FER1L6: variants seen among roughly 807,000 people sequenced by gnomAD.
The protein encoded by FER1L6 is fer-1-like protein 6.
In FER1L6, 177 loss-of-function variants were observed where a neutral mutation model predicts 219.2. That is an observed-to-expected ratio of 0.81 (90% CI 0.71 to 0.91). The LOEUF (loss-of-function observed/expected upper bound fraction) is 0.91. Among genes scored for constraint, FER1L6 ranks in the 40% least tolerant of loss-of-function variants. The probability of loss-of-function intolerance (pLI) is 0.00; values close to 1 mark genes in which losing one functional copy is unlikely to be tolerated. For missense variants in FER1L6, 2,153 were observed against 2,259.9 expected, an observed-to-expected ratio of 0.95 and a Z score of 0.96; for synonymous variants, 768 against 824.3, an observed-to-expected ratio of 0.93 and a Z score of 1.17.
At position 123,932,451 on chromosome 8, in the gene FER1L6, AC is replaced by A. The variant is rs776524663; in HGVS notation, c.-7-23540del. 1.6e-4 allele frequency among the ~76,000 whole-genome samples: 24 copies of A among 152,224 alleles called. No individual in the cohort carries two copies. In the South Asian group the frequency reaches 2.1e-3, roughly 13 times the overall value. On this transcript the variant is annotated intron_variant, in intron 1 of 40. Transcript: ENST00000522917. The stretch of plus-strand genomic sequence containing the variant: ...GTTACTTTCTTTTAAGGCATGTGTT[AC>A]TCATTTTCTGTTTAAAATAGAACAT...
At chr8:124,044,350 C>T (rs949706060) in intron 20 of FER1L6, among the ~76,000 whole-genome samples, 1 of 151,902 alleles carries the variant, frequency 6.6e-6, no homozygotes, top group African/African-American at 2.4e-5. Context: ...GTGTCTCAGA[C>T]ATAAAGTACC....
rs763431920 is a variant in FER1L6 at position 124,060,208 on chromosome 8, C to T, written c.2903C>T (p.Pro968Leu). Reference protein sequence around the residue: ...QVPPSGLQGLPPVEPPDITQI... With the variant: ...QVPPSGLQGLLPVEPPDITQI... ...CCTCCTTCTGGGCTGCAAGGCCTCCCACCCGTTGAGCCACCAGACATCACC... is the reference window on the plus strand; with the variant it reads ...CCTCCTTCTGGGCTGCAAGGCCTCCTACCCGTTGAGCCACCAGACATCACC... The change falls in exon 23 of 41, where the codon CCA becomes CTA. Residue 968 changes from proline to leucine, a missense_variant. Pro to Leu is a moderately conservative substitution (Grantham distance 98). Transcript: ENST00000522917. 36 of 1,614,004 alleles carry T rather than the reference C, an allele frequency of 2.2e-5. No individual in the cohort carries two copies. Among genetic ancestry groups the T allele is most frequent in the Non-Finnish European group, 2.8e-5 (33 of 1,180,020 alleles).
chr8:123,888,212 G>A (rs961043336), intron 1 of FER1L6, among the ~76,000 whole-genome samples: 4 of 151,992 alleles, frequency 2.6e-5, no homozygotes, highest in Non-Finnish European at 4.4e-5. Flanking sequence ...CACCTCCTGG[G>A]TTCAAGAAAT....
chr8:123,905,149 C>T (rs911894679), intron 1 of FER1L6, among the ~76,000 whole-genome samples: 21 of 152,102 alleles, frequency 1.4e-4, no homozygotes, highest in Non-Finnish European at 2.5e-4. Flanking sequence ...CACAGGTAAA[C>T]ATGTACCAAG....
intron 34 of FER1L6, among the ~76,000 whole-genome samples, chr8:124,092,098 C>T (rs960723588): frequency 1.3e-5 from 2 of 152,110 alleles, no homozygotes; most frequent in Non-Finnish European, 2.9e-5. Context: ...TATTTTCTTG[C>T]ACTTGTCTGT....
At chr8:123,921,476 C>T (rs1340095152) in intron 1 of FER1L6, among the ~76,000 whole-genome samples, 2 of 152,054 alleles carry the variant, frequency 1.3e-5, no homozygotes, top group East Asian at 1.9e-4. Flanking sequence ...GTGATCTTCC[C>T]GCCTCAGCTT....
At chr8:123,977,684 G>T (rs1254633031) in intron 10 of FER1L6, 75 bp downstream of exon 10, 3 of 1,384,750 alleles carry the variant, frequency 2.2e-6, no homozygotes, top group Non-Finnish European at 3.0e-6. Context: ...AAAAGGGGTG[G>T]GCTAGAGCAG....
intron 38 of FER1L6, among the ~76,000 whole-genome samples, chr8:124,102,814 C>T (rs1397863521): frequency 1.3e-5 from 2 of 152,130 alleles, no homozygotes; most frequent in Admixed American, 6.6e-5. Flanking sequence ...AAGGCTGAAG[C>T]CAATAATCCA....
At chr8:124,058,769 C>T (rs1054749700) in intron 22 of FER1L6, 2 of 152,138 alleles carry the variant, frequency 1.3e-5, no homozygotes, top group African/African-American at 4.8e-5. Context: ...AGGTGATGCT[C>T]GCAGGCTAAA....
Position 123,952,145 on chromosome 8 carries a change from C to T in FER1L6, c.-7-3847C>T, listed in dbSNP as rs145138771. On this transcript the variant is annotated intron_variant, in intron 1 of 40. Coordinates refer to ENST00000522917, the MANE Select transcript of FER1L6 (RefSeq NM_001039112.2). ...TCAATAAGGTCATCTATGTAACATC[C>T]CAGTGAGAAAAAGCAGAACTAACCT... Among the ~76,000 whole-genome samples, 58 of 151,328 alleles carry T rather than the reference C, an allele frequency of 3.8e-4. No homozygotes were observed. The East Asian group carries it at 0.01, about 27-fold the overall frequency.
chr8:123,904,482 G>A (rs926936201), intron 1 of FER1L6, among the ~76,000 whole-genome samples: 1 of 152,124 alleles, frequency 6.6e-6, no homozygotes, highest in Non-Finnish European at 1.5e-5. Context: ...GCCATATTCA[G>A]CAGAGATATG....
intron 1 of FER1L6, among the ~76,000 whole-genome samples, chr8:123,909,886 G>A (rs1197451056): frequency 6.6e-6 from 1 of 152,170 alleles, no homozygotes; most frequent in Non-Finnish European, 1.5e-5. Context: ...TATTTTGATT[G>A]TTGTTATCAT....
At chr8:124,081,056 G>T (rs1368919018) in intron 32 of FER1L6, among the ~76,000 whole-genome samples, 1 of 152,064 alleles carries the variant, frequency 6.6e-6, no homozygotes, top group East Asian at 1.9e-4. Flanking sequence ...TCACTGGGGA[G>T]TAAGTGTCAG....
chr8:124,093,531 T>C (rs1822141580), intron 34 of FER1L6, among the ~76,000 whole-genome samples: 1 of 152,102 alleles, frequency 6.6e-6, no homozygotes, highest in Non-Finnish European at 1.5e-5. Context: ...ATGCAGATTA[T>C]TGATATTTAG....
chr8:123,919,894 A>T (rs1813308114), intron 1 of FER1L6, among the ~76,000 whole-genome samples: 1 of 152,186 alleles, frequency 6.6e-6, no homozygotes, highest in Non-Finnish European at 1.5e-5. Flanking sequence ...TGGGCCAGCA[A>T]GGGGGAGCAG....
chr8:123,858,133 T>G (rs1016009354), intron 1 of FER1L6, among the ~76,000 whole-genome samples: 2 of 152,178 alleles, frequency 1.3e-5, no homozygotes, highest in African/African-American at 4.8e-5. Flanking sequence ...CTCTGATGGG[T>G]TCTCCTACTT....
chr8:124,077,977 T>G (rs1344989142), intron 32 of FER1L6, among the ~76,000 whole-genome samples: 1 of 152,176 alleles, frequency 6.6e-6, no homozygotes, highest in African/African-American at 2.4e-5. Context: ...CCTGGTGCCC[T>G]GGTATCTTGC....
intron 1 of FER1L6, among the ~76,000 whole-genome samples, chr8:123,909,064 T>C (rs921184898): frequency 6.6e-6 from 1 of 152,142 alleles, no homozygotes; most frequent in Non-Finnish European, 1.5e-5. Flanking sequence ...GTTAACATGA[T>C]CCACTAATTT....
intron 1 of FER1L6, among the ~76,000 whole-genome samples, chr8:123,860,163 A>C (rs1182067979): frequency 1.3e-5 from 1 of 76,400 alleles, no homozygotes; most frequent in African/African-American, 6.1e-5. Flanking sequence ...CCAGAGTGTG[A>C]TATTCCCCTT....
Sources: allele counts gnomAD v4.1 joint callset (sites outside exome capture counted in the v4.1 genomes callset), GRCh38; gene constraint gnomAD v4.1.1; transcripts MANE v1.5; gene names NCBI Gene and HGNC (gene_info 2026-07-23, HGNC 2026-07-21).